Variants in STAB2 observed in about 807,000 individuals in gnomAD.
The protein encoded by STAB2 is stabilin 2, also known as stabilin-2.
In STAB2, 288 loss-of-function variants were observed where a neutral mutation model predicts 338.1. The ratio of observed to expected loss-of-function variants is 0.85; its 90% CI spans 0.77 to 0.94. STAB2 has a LOEUF of 0.94. STAB2 is among the 40% of genes least tolerant of loss of function. The probability of loss-of-function intolerance (pLI) is 0.00; values close to 1 mark genes in which losing one functional copy is unlikely to be tolerated. For synonymous variants in STAB2, 1,202 were observed against 1,193.3 expected (o/e 1.01, Z -0.15); for missense variants, 3,141 against 3,210.1 (o/e 0.98, Z 0.52).
intron 44 of STAB2, among the ~76,000 whole-genome samples, chr12:103,722,060 A>G (rs548536326): frequency 2.1e-4 from 32 of 152,330 alleles, no homozygotes; most frequent in African/African-American, 7.5e-4. Context: ...AGTGAAATGT[A>G]AGCCTGAAGG....
rs926102873 is a variant in STAB2 at position 103,640,336 on chromosome 12, G to C, written c.1040+80G>C. 16 of 1,547,208 alleles carry C rather than the reference G, an allele frequency of 1.0e-5. No individual in the cohort carries two copies. In the African/African-American group the frequency reaches 2.2e-4, roughly 21 times the overall value. The stretch of plus-strand genomic sequence containing the variant: ...GTCATTGCTGTAAGTTTCTTGAAGG[G>C]GAGGAAATGTGTCTTATTCAGCCTT... On this transcript the variant is annotated intron_variant, in intron 9 of 68. Coordinates refer to ENST00000388887, the MANE Select transcript of STAB2 (RefSeq NM_017564.10).
rs776864170 is a variant in STAB2, at chr12:103,689,928, A to G, written c.3128A>G (p.Asp1043Gly). ...VPSQQATEDM[D>G]QDEKSFWLSQ... ...TCCCAACAAGCTACTGAGGACATGG[A>G]CCAGGATGAGAAAAGCTTCTGGTTG... is the stretch of plus-strand genomic sequence containing the variant. The change falls in exon 29 of 69, where the codon GAC becomes GGC. Residue 1043 changes from aspartate to glycine, a missense_variant. Transcript: ENST00000388887. 1 of 1,614,190 alleles carries G rather than the reference A, an allele frequency of 6.2e-7. No homozygotes were observed. Among genetic ancestry groups the G allele is most frequent in the Admixed American group, 1.7e-5 (1 of 60,032 alleles).
chr12:103,706,919 G>C lies in STAB2; in HGVS notation c.4124G>C (p.Gly1375Ala). ...GVNGTGVCEC[G>A]EGFSGTACET... ...AATGGCACAGGTGTGTGTGAGTGTG[G>C]GGAGGGCTTCAGCGGCACAGCCTGC... is the stretch of plus-strand genomic sequence containing the variant. The change falls in exon 38 of 69, where the codon GGG becomes GCG. Residue 1375 changes from glycine to alanine, a missense_variant. Coordinates refer to ENST00000388887, the MANE Select transcript of STAB2 (RefSeq NM_017564.10). 3.1e-6 allele frequency: 5 copies of C among 1,614,218 alleles called. No individual in the cohort carries two copies. The highest frequency in any genetic ancestry group is 3.4e-6 in the Non-Finnish European group (4 of 1,180,040).
At chr12:103,758,686 C>A (rs1212251628) in intron 64 of STAB2, among the ~76,000 whole-genome samples, 1 of 152,180 alleles carries the variant, frequency 6.6e-6, no homozygotes, top group African/African-American at 2.4e-5. Flanking sequence ...GCATGGGGGG[C>A]AAAGGGCCAG....
At chr12:103,661,353 C>G (rs143606630) in intron 17 of STAB2, among the ~76,000 whole-genome samples, 6,777 of 152,252 alleles carry the variant, frequency 0.045, 160 homozygotes, top group Non-Finnish European at 0.065. Context: ...AACAAACATC[C>G]AGCAGCACAG....
At chr12:103,615,355 G>A (rs1957193559) in intron 3 of STAB2, among the ~76,000 whole-genome samples, 3 of 152,304 alleles carry the variant, frequency 2.0e-5, no homozygotes, top group African/African-American at 4.8e-5. Context: ...GGGAGTCAAG[G>A]AAAGTTGGAT....
At chr12:103,647,654 G>T (rs530399095) in intron 9 of STAB2, among the ~76,000 whole-genome samples, 1 of 152,174 alleles carries the variant, frequency 6.6e-6, no homozygotes, top group Non-Finnish European at 1.5e-5. Context: ...TTCACAAGAG[G>T]GTTAGCATCA....
intron 5 of STAB2, among the ~76,000 whole-genome samples, chr12:103,625,374 T>G (rs703615): frequency 6.6e-6 from 1 of 151,992 alleles, no homozygotes. Flanking sequence ...AATTTTTTTT[T>G]TATACTTTAA....
chr12:103,691,072 C>A (rs11111714), intron 30 of STAB2, among the ~76,000 whole-genome samples: 8,031 of 152,206 alleles, frequency 0.053, 245 homozygotes, highest in Non-Finnish European at 0.065. Flanking sequence ...AGGGCAATGC[C>A]CAAGGAAGAA....
chr12:103,740,887 G>A, intron 55 of STAB2, 131 bp downstream of exon 55: 1 of 1,292,726 alleles, frequency 7.7e-7, no homozygotes, highest in Non-Finnish European at 1.0e-6. Context: ...CCAGACCCCA[G>A]AACTCTGAAG....
rs149645928 is a variant in STAB2 at position 103,666,994 on chromosome 12, A to G, written c.2085+641A>G. ...ACAGTTGTGCAATGATCTATCATTC[A>G]TATGCCAAGGACTCTATTGGTGGTA... On this transcript the variant is annotated intron_variant, in intron 19 of 68. Coordinates refer to ENST00000388887, the MANE Select transcript of STAB2 (RefSeq NM_017564.10). Among the ~76,000 whole-genome samples the G allele has an allele frequency of 5.8e-3, 880 of 152,368 alleles. 6 individuals carry two copies. The highest frequency in any genetic ancestry group is 0.02 in the African/African-American group (841 of 41,584).
intron 34 of STAB2, 39 bp downstream of exon 34, chr12:103,699,266 A>C: frequency 1.3e-6 from 2 of 1,585,530 alleles, no homozygotes; most frequent in Non-Finnish European, 1.7e-6. Context: ...AATGCCACCG[A>C]GAATTACATC....
chr12:103,716,499 A>G (rs1386663821), intron 43 of STAB2, among the ~76,000 whole-genome samples: 1 of 152,192 alleles, frequency 6.6e-6, no homozygotes, highest in Non-Finnish European at 1.5e-5. Flanking sequence ...GAAATCACAT[A>G]TATCCAAAAT....
intron 23 of STAB2, 78 bp from the exon 24 acceptor site, chr12:103,675,850 C>A: frequency 8.5e-7 from 1 of 1,173,818 alleles, no homozygotes; most frequent in Non-Finnish European, 1.2e-6. Context: ...CAGGAACTGG[C>A]TCATCTCTAG....
At chr12:103,750,878 G>A (rs529825990) in intron 60 of STAB2, among the ~76,000 whole-genome samples, 158 bp downstream of exon 60, 1 of 152,344 alleles carries the variant, frequency 6.6e-6, no homozygotes, top group East Asian at 1.9e-4. Context: ...ATCACTTGAG[G>A]TCAGGAGTTG....
intron 68 of STAB2, among the ~76,000 whole-genome samples, chr12:103,764,479 C>A (rs1031596218): frequency 1.3e-5 from 2 of 152,110 alleles, no homozygotes; most frequent in Admixed American, 1.3e-4. Context: ...TCCAGGGGGA[C>A]CCCTTGGCAG....
chr12:103,708,322 C>T lies in STAB2; in HGVS notation c.4193-119C>T, dbSNP rs1458159952. Reference sequence around the variant, plus strand: ...TGTGATTCAAGACCCCTGTTAAAGACTATGATTCCTAGAAGTAGGTTGGAG... The same window carrying T: ...TGTGATTCAAGACCCCTGTTAAAGATTATGATTCCTAGAAGTAGGTTGGAG... On this transcript the variant is annotated intron_variant, in intron 38 of 68. Transcript: ENST00000388887. 12 of 988,834 alleles carry T rather than the reference C, an allele frequency of 1.2e-5. No individual in the cohort carries two copies. In the Admixed American group the frequency reaches 1.6e-4, roughly 13 times the overall value. The allele number at this position is 988,834 out of a possible 1,614,324, so 61.3% of individuals were successfully genotyped here. A position where few individuals can be genotyped will look rare whatever the true frequency, so the allele number is the denominator to read the frequency against.
chr12:103,757,330 C>G (rs1394885118), intron 63 of STAB2, among the ~76,000 whole-genome samples: 11 of 152,138 alleles, frequency 7.2e-5, no homozygotes, highest in African/African-American at 2.4e-4. Context: ...TCAAGCTGCT[C>G]TCTCACCTCA....
intron 7 of STAB2, among the ~76,000 whole-genome samples, chr12:103,637,594 C>T (rs150530101): frequency 2.0e-5 from 3 of 152,088 alleles, no homozygotes; most frequent in Non-Finnish European, 4.4e-5. Flanking sequence ...CCCAGATCTG[C>T]CTTCTACTGA....
Sources: allele counts gnomAD v4.1 joint callset (sites outside exome capture counted in the v4.1 genomes callset), GRCh38; gene constraint gnomAD v4.1.1; transcripts MANE v1.5; gene names NCBI Gene and HGNC (gene_info 2026-07-23, HGNC 2026-07-21).